The following MYT1L variants were observed in gnomAD, a reference collection of about 807,000 sequenced individuals.
The protein encoded by MYT1L is myelin transcription factor 1-like protein.
A neutral mutation model predicts 126.7 loss-of-function variants in MYT1L; 12 were observed. That is an observed-to-expected ratio of 0.09 (90% CI 0.06 to 0.15). The LOEUF (loss-of-function observed/expected upper bound fraction) is 0.15. MYT1L is among the 10% of genes least tolerant of loss of function. The pLI, the probability that MYT1L is intolerant of heterozygous loss-of-function variation, is 1.00. For synonymous variants in MYT1L, 541 were observed against 604.2 expected (o/e 0.90, Z 1.53); for missense variants, 979 against 1,585.2 (o/e 0.62, Z 6.49).
intron 21 of MYT1L, among the ~76,000 whole-genome samples, chr2:1,833,047 G>A (rs1011200822): frequency 7.2e-5 from 11 of 152,292 alleles, no homozygotes; most frequent in Admixed American, 1.3e-4. Flanking sequence ...GTCTGTCGGC[G>A]GCTTAGGGGG....
intron 21 of MYT1L, among the ~76,000 whole-genome samples, chr2:1,819,847 T>G (rs958802973): frequency 5.3e-5 from 8 of 152,136 alleles, no homozygotes; most frequent in African/African-American, 1.7e-4. Flanking sequence ...GGCAGGGAGC[T>G]GGAGGGATGG....
intron 2 of MYT1L, among the ~76,000 whole-genome samples, chr2:2,274,734 T>C (rs1471899053): frequency 6.6e-6 from 1 of 152,226 alleles, no homozygotes; most frequent in Non-Finnish European, 1.5e-5. Flanking sequence ...ATCTTAATTG[T>C]AGACCTTGTA....
Position 1,990,735 on chromosome 2 carries a change from T to G in MYT1L, c.-1+6456A>C, listed in dbSNP as rs571374898. On this transcript the variant is annotated intron_variant, in intron 5 of 24. Transcript: ENST00000647738. The stretch of plus-strand genomic sequence containing the variant: ...GTTCTGGGGAAAAGAACGGCAGTTC[T>G]GTGTGGACTGCCAGGACCAGCCCTG... 1.4e-3 allele frequency among the ~76,000 whole-genome samples: 213 copies of G among 152,300 alleles called. 3 individuals are homozygous for G. Among genetic ancestry groups the G allele is most frequent in the Admixed American group, 3.9e-3 (60 of 15,306 alleles).
intron 2 of MYT1L, among the ~76,000 whole-genome samples, chr2:2,199,480 C>T (rs978284751): frequency 6.6e-6 from 1 of 152,138 alleles, no homozygotes; most frequent in African/African-American, 2.4e-5. Context: ...CACTCTCCTT[C>T]CCCCGAGTCA....
intron 2 of MYT1L, among the ~76,000 whole-genome samples, chr2:2,220,956 A>C (rs1225909467): frequency 6.6e-6 from 1 of 152,218 alleles, no homozygotes; most frequent in Non-Finnish European, 1.5e-5. Context: ...GAGAGAAAGA[A>C]AAAGAAGTGA....
chr2:2,011,429 G>GAA (rs34924474), intron 4 of MYT1L, among the ~76,000 whole-genome samples: 1 of 139,878 alleles, frequency 7.1e-6, no homozygotes, highest in Non-Finnish European at 1.6e-5. Context: ...AGAAAAAAAA[G>GAA]AAAAAAAAAA....
chr2:2,060,811 T>C lies in MYT1L; in HGVS notation c.-303-6688A>G, dbSNP rs1273267140. Reference sequence around the variant, plus strand: ...TTTCCTTTCCTTTCCTTTCCTCTTCTCTCTCTCTCTTTCCCTCTCTCTCTC... The same window carrying C: ...TTTCCTTTCCTTTCCTTTCCTCTTCCCTCTCTCTCTTTCCCTCTCTCTCTC... On this transcript the variant is annotated intron_variant, in intron 3 of 24. Coordinates refer to ENST00000647738, the MANE Select transcript of MYT1L (RefSeq NM_001303052.2). 4.7e-5 allele frequency among the ~76,000 whole-genome samples: 7 copies of C among 147,946 alleles called. No individual in the cohort carries two copies. In the Admixed American group the frequency reaches 4.7e-4, roughly 10 times the overall value.
At chr2:1,880,991 A>C (rs1386847349) in intron 18 of MYT1L, among the ~76,000 whole-genome samples, 1 of 152,230 alleles carries the variant, frequency 6.6e-6, no homozygotes, top group African/African-American at 2.4e-5. Context: ...AAGCCCTTTA[A>C]AAAGCTGAAC....
intron 2 of MYT1L, among the ~76,000 whole-genome samples, chr2:2,255,825 G>A (rs561318641): frequency 1.3e-5 from 2 of 152,184 alleles, no homozygotes; most frequent in South Asian, 2.1e-4. Context: ...GCCCCATCAC[G>A]GATATTGTCT....
In MYT1L at chr2:1,979,301, G is replaced by C; in HGVS notation, c.90-74C>G. On this transcript the variant is annotated intron_variant, in intron 7 of 24. Transcript: ENST00000647738. The surrounding 1 kb of genome is among the most constrained non-coding windows in gnomAD (Gnocchi z 4.0). ...GACGGAAAGCTTCCGTGGCAGCAGA[G>C]AGAAGGAGGGCGGCTCAGACAGAGG... 1 of 1,370,254 alleles carries C rather than the reference G, an allele frequency of 7.3e-7. No homozygotes were observed. The highest frequency in any genetic ancestry group is 1.0e-6 in the Non-Finnish European group (1 of 967,276). The allele number at this position is 1,370,254 out of a possible 1,614,324, so 84.9% of individuals were successfully genotyped here. A position where few individuals can be genotyped will look rare whatever the true frequency, so the allele number is the denominator to read the frequency against.
intron 3 of MYT1L, among the ~76,000 whole-genome samples, chr2:2,079,317 C>T (rs1391450607): frequency 6.6e-6 from 1 of 151,990 alleles, no homozygotes; most frequent in Non-Finnish European, 1.5e-5. Flanking sequence ...ATACTAAAAG[C>T]TATATTATAT....
chr2:1,911,673 G>T (rs761779243), intron 12 of MYT1L, among the ~76,000 whole-genome samples: 9 of 152,198 alleles, frequency 5.9e-5, no homozygotes, highest in Non-Finnish European at 1.0e-4. Flanking sequence ...GTACAGGCGT[G>T]CTGCATTCCA....
At chr2:2,127,086 T>G (rs910783434) in intron 3 of MYT1L, among the ~76,000 whole-genome samples, 21 of 152,230 alleles carry the variant, frequency 1.4e-4, no homozygotes, top group African/African-American at 4.8e-4. Context: ...TCTACATGCA[T>G]TTTTTAAACT....
Position 1,892,398 on chromosome 2 carries a change from C to A in MYT1L, c.2033-111G>T, listed in dbSNP as rs1240195862. ...CTCAGCCACACACAGCCGCGTGGGA[C>A]GGCCCTCAGGGTGCTGGGGCTTACG... On this transcript the variant is annotated intron_variant, in intron 14 of 24. Transcript: ENST00000647738. 4 of 1,428,398 alleles carry A rather than the reference C, an allele frequency of 2.8e-6. No homozygotes were observed. In the Admixed American group the frequency reaches 7.7e-5, roughly 27 times the overall value. 88.5% of individuals were successfully genotyped at this position (1,428,398 alleles called of 1,614,324 possible). A position where few individuals can be genotyped will look rare whatever the true frequency, so the allele number is the denominator to read the frequency against.
At chr2:1,956,246 T>A (rs1001677307) in intron 8 of MYT1L, among the ~76,000 whole-genome samples, 4 of 139,510 alleles carry the variant, frequency 2.9e-5, no homozygotes, top group African/African-American at 1.1e-4. Context: ...CTATCTATCC[T>A]ATTCTATATT....
intron 18 of MYT1L, among the ~76,000 whole-genome samples, chr2:1,868,722 A>T (rs961490898): frequency 6.6e-6 from 1 of 152,010 alleles, no homozygotes. Context: ...GGCAGGGGGG[A>T]TGCAGACGAG....
intron 3 of MYT1L, among the ~76,000 whole-genome samples, chr2:2,136,729 T>TTTA (rs2083104102): frequency 1.6e-5 from 1 of 62,238 alleles, no homozygotes; most frequent in Non-Finnish European, 3.1e-5. Context: ...GTGAGGCTTG[T>TTTA]TTATACTGAA....
At chr2:2,163,941 A>T (rs1026756847) in intron 3 of MYT1L, among the ~76,000 whole-genome samples, 23 of 152,020 alleles carry the variant, frequency 1.5e-4, no homozygotes, top group African/African-American at 5.3e-4. Context: ...GAGAGAAATA[A>T]TTTTTTTCCT....
At chr2:2,161,552 A>C (rs1450711091) in intron 3 of MYT1L, among the ~76,000 whole-genome samples, 1 of 152,192 alleles carries the variant, frequency 6.6e-6, no homozygotes, top group Non-Finnish European at 1.5e-5. Context: ...TCTATTGTAA[A>C]ATGTTTTTAT....
Sources: allele counts gnomAD v4.1 joint callset (sites outside exome capture counted in the v4.1 genomes callset), GRCh38; gene constraint gnomAD v4.1.1; non-coding constraint Gnocchi (gnomAD v3.1); transcripts MANE v1.5; gene names NCBI Gene and HGNC (gene_info 2026-07-23, HGNC 2026-07-21).